The following AKAP3 variants were observed in gnomAD, a reference collection of about 807,000 sequenced individuals.
AKAP3 encodes the protein A-kinase anchor protein 3.
In AKAP3, 27 loss-of-function variants were observed where a neutral mutation model predicts 57.2. The ratio of observed to expected loss-of-function variants is 0.47; its 90% CI spans 0.35 to 0.65. AKAP3 has a LOEUF of 0.65. AKAP3 is among the 30% of genes least tolerant of loss of function. The pLI is 0.01. For synonymous variants in AKAP3, 334 were observed against 392.3 expected, an observed-to-expected ratio of 0.85 and a Z score of 1.76; for missense variants, 959 against 1,040.0, an observed-to-expected ratio of 0.92 and a Z score of 1.07.
At position 4,627,079 on chromosome 12, in the gene AKAP3, T is replaced by C. The variant is rs35067631; in HGVS notation, c.1823A>G (p.Lys608Arg). Reference sequence around the variant, plus strand: ...CTTGGGTTCAGGGCTCTGGTCACGCTTGAAAATGGTCTCACTAAGTAAGTT... The same window carrying C: ...CTTGGGTTCAGGGCTCTGGTCACGCCTGAAAATGGTCTCACTAAGTAAGTT... ...IRNLLSETIF[K>R]RDQSPEPKVP... is the part of the protein sequence containing the mutation. The change falls in exon 5 of 6, where the codon AAG (lysine) becomes AGG (arginine). Residue 608 changes from lysine (K) to arginine (R), a missense_variant. Coordinates refer to ENST00000228850, the MANE Select transcript of AKAP3 (RefSeq NM_001278309.2). 4.5e-5 allele frequency: 72 copies of C among 1,614,146 alleles called. No individual in the cohort carries two copies. The African/African-American group carries it at 9.5e-4, about 21-fold the overall frequency.
In AKAP3 at chr12:4,626,972, C is replaced by T; in HGVS notation, c.1930G>A (p.Asp644Asn). 2 of 1,614,176 alleles carry T rather than the reference C, an allele frequency of 1.2e-6. No homozygotes were observed. Among genetic ancestry groups the T allele is most frequent in the East Asian group, 4.5e-5 (2 of 44,880 alleles). ...ASSPPRLYED[D>N]ETPGALSGLT... ...CCAGAAAGGGCACCAGGGGTCTCAT[C>T]ATCCTCATATAGCCTGGGGGGAGAA... The change falls in exon 5 of 6, where the codon GAT becomes AAT. Residue 644 changes from aspartate (D) to asparagine (N), a missense_variant. Physicochemically the swap from Asp to Asn is conservative, Grantham distance 23. Transcript: ENST00000228850.
In AKAP3 at chr12:4,626,548, A is replaced by G. The variant is rs1281223510; in HGVS notation, c.2354T>C (p.Leu785Pro). Residue 785 changes from leucine to proline, a missense_variant, in exon 5 of 6, where the codon CTC (leucine) becomes CCC (proline). Physicochemically the swap from Leu to Pro is moderately conservative, Grantham distance 98. Coordinates refer to ENST00000228850, the MANE Select transcript of AKAP3 (RefSeq NM_001278309.2). ...AGCAAAATACAAAATAGGGACATTG[A>G]GCTCAGAGGCAGCTACCCATTGAAG... is the stretch of plus-strand genomic sequence containing the variant. ...AVLQWVAASELNVPILYFAGD... is the reference protein window; with the variant it reads ...AVLQWVAASEPNVPILYFAGD... 1 of 1,614,166 alleles carries G rather than the reference A, an allele frequency of 6.2e-7. No homozygotes were observed. Among genetic ancestry groups the G allele is most frequent in the Admixed American group, 1.7e-5 (1 of 60,030 alleles).
At chr12:4,642,983 C>A (rs183141176) in intron 2 of AKAP3, among the ~76,000 whole-genome samples, 1 of 152,172 alleles carries the variant, frequency 6.6e-6, no homozygotes, top group Non-Finnish European at 1.5e-5. Flanking sequence ...ATATTCAAGA[C>A]GCCTTGAAGC....
At chr12:4,629,975 T>C (rs1041577330) in intron 4 of AKAP3, among the ~76,000 whole-genome samples, 5 of 152,200 alleles carry the variant, frequency 3.3e-5, no homozygotes, top group Non-Finnish European at 7.3e-5. Context: ...CATATGAACA[T>C]GTTTATATGT....
chr12:4,627,840 A>C lies in AKAP3; in HGVS notation c.1062T>G (p.Phe354Leu), dbSNP rs754871103. The C allele has an allele frequency of 1.9e-6, 3 of 1,614,032 alleles. No homozygotes were observed. The Admixed American group carries it at 5.0e-5, about 27-fold the overall frequency. ...VTGTLMTDTQFVSAVKRTVFS... is the reference protein window; with the variant it reads ...VTGTLMTDTQLVSAVKRTVFS... ...AGACAGTTCTTTTCACAGCCGAGAC[A>C]AACTGTGTGTCAGTCATGAGGGTCC... Residue 354 changes from phenylalanine to leucine, a missense_variant, in exon 5 of 6, where the codon TTT (phenylalanine) becomes TTG (leucine). Phe to Leu is a conservative substitution (Grantham distance 22). Transcript: ENST00000228850.
At chr12:4,639,471 C>A (rs1298864425) in intron 3 of AKAP3, among the ~76,000 whole-genome samples, 1 of 152,056 alleles carries the variant, frequency 6.6e-6, no homozygotes, top group Non-Finnish European at 1.5e-5. Flanking sequence ...CACATGTGCA[C>A]AACGTGCAGG....
At chr12:4,624,402 T>C (rs1363377575) in intron 5 of AKAP3, among the ~76,000 whole-genome samples, 1 of 151,176 alleles carries the variant, frequency 6.6e-6, no homozygotes, top group Admixed American at 6.6e-5. Flanking sequence ...ATCCAAACAA[T>C]TTTTTTCTCC....
In AKAP3 at chr12:4,624,809, G is replaced by GGTGTGTGTGTGTGT. The variant is rs1555126704; in HGVS notation, c.2406+1673_2406+1686dup. 2.4e-3 allele frequency among the ~76,000 whole-genome samples: 210 copies of GGTGTGTGTGTGTGT among 87,870 alleles called. 1 individual carries two copies. The highest frequency in any genetic ancestry group is 6.2e-3 in the East Asian group (22 of 3,576). 57.6% of individuals were successfully genotyped at this position (87,870 alleles called of 152,430 possible). On this transcript the variant is annotated intron_variant, in intron 5 of 5. Transcript: ENST00000228850. ...TGGCTTTATCTTTAGAGTAGACAAA[G>GGTGTGTGTGTGTGT]GTGTGTGTGTGTGTGTATATAAAAG...
chr12:4,638,631 G>C (rs1945595756), intron 3 of AKAP3, among the ~76,000 whole-genome samples: 1 of 152,140 alleles, frequency 6.6e-6, no homozygotes, highest in Non-Finnish European at 1.5e-5. Context: ...TAGCTTTTAA[G>C]TAATTGTTTC....
At chr12:4,628,869 C>G in intron 4 of AKAP3, 64 bp from the exon 5 acceptor site, 1 of 1,498,550 alleles carries the variant, frequency 6.7e-7, no homozygotes, top group Non-Finnish European at 9.0e-7. Flanking sequence ...TTCAAGACAA[C>G]CTCAAAGTTC....
intron 2 of AKAP3, among the ~76,000 whole-genome samples, chr12:4,644,025 T>C (rs1281824528): frequency 6.6e-6 from 1 of 152,238 alleles, no homozygotes; most frequent in Admixed American, 6.5e-5. Flanking sequence ...ACTGCCTTCC[T>C]TTCTGTAAGT....
At chr12:4,646,910 G>C (rs1216893044) in intron 1 of AKAP3, among the ~76,000 whole-genome samples, 1 of 152,018 alleles carries the variant, frequency 6.6e-6, no homozygotes, top group Non-Finnish European at 1.5e-5. Flanking sequence ...AGTCTCCCGA[G>C]TAACTGGGAT....
Position 4,626,734 on chromosome 12 carries a change from G to C in AKAP3, c.2168C>G (p.Thr723Arg). The C allele has an allele frequency of 6.2e-7, 1 of 1,614,106 alleles. No individual in the cohort carries two copies. The highest frequency in any genetic ancestry group is 1.7e-5 in the Admixed American group (1 of 60,004). ...SLYECLPAKG[T>R]GSAEAVLQNA... ...CTGCAGGACAGCTTCTGCTGACCCT[G>C]TGCCCTTGGCTGGTAAGCACTCATA... Residue 723 changes from threonine to arginine, a missense_variant, in exon 5 of 6, where the codon ACA becomes AGA. Thr to Arg is a moderately conservative substitution (Grantham distance 71, BLOSUM62 -1). Coordinates refer to ENST00000228850, the MANE Select transcript of AKAP3 (RefSeq NM_001278309.2).
chr12:4,646,510 A>T (rs1945700461), intron 1 of AKAP3, among the ~76,000 whole-genome samples: 1 of 152,030 alleles, frequency 6.6e-6, no homozygotes, highest in South Asian at 2.1e-4. Flanking sequence ...GTCTCTACTA[A>T]AAATACAAAA....
intron 1 of AKAP3, among the ~76,000 whole-genome samples, chr12:4,647,359 G>C (rs969664401): frequency 1.9e-4 from 29 of 151,824 alleles, no homozygotes; most frequent in African/African-American, 6.0e-4. Flanking sequence ...ATGGGATCTA[G>C]TATTCTAGGT....
chr12:4,648,911 G>C lies in AKAP3; in HGVS notation c.-411C>G, dbSNP rs1169845943. 1 of 599,032 alleles carries C rather than the reference G, an allele frequency of 1.7e-6. No homozygotes were observed. The highest frequency in any genetic ancestry group is 1.9e-5 in the African/African-American group (1 of 53,752). The allele number at this position is 599,032 out of a possible 1,614,324, so 37.1% of individuals were successfully genotyped here. On this transcript the variant is annotated 5_prime_UTR_variant, in exon 1 of 6. Coordinates refer to ENST00000228850, the MANE Select transcript of AKAP3 (RefSeq NM_001278309.2). ...TTAGAGATTATAAATAGCCTATACA[G>C]CCTATTCCAGATCTGAGATTCCAAC...
intron 5 of AKAP3, among the ~76,000 whole-genome samples, chr12:4,616,185 GA>G (rs1261554201): frequency 6.6e-6 from 1 of 152,204 alleles, no homozygotes; most frequent in Non-Finnish European, 1.5e-5. Flanking sequence ...AACAGGGCAG[GA>G]TGGAAAATGT....
chr12:4,637,894 A>G (rs1160909344), intron 4 of AKAP3, among the ~76,000 whole-genome samples: 1 of 152,164 alleles, frequency 6.6e-6, no homozygotes, highest in Non-Finnish European at 1.5e-5. Flanking sequence ...TTCATTAGTT[A>G]TAGCATATTA....
chr12:4,636,504 T>C (rs1945567405), intron 4 of AKAP3, among the ~76,000 whole-genome samples: 1 of 152,244 alleles, frequency 6.6e-6, no homozygotes, highest in Admixed American at 6.5e-5. Context: ...TGATTTAACA[T>C]TGAAACTGAT....
Sources: gnomAD v4.1 joint callset for allele counts (sites outside exome capture counted in the v4.1 genomes callset) on GRCh38, gnomAD v4.1.1 for gene constraint, MANE v1.5 for transcripts, NCBI Gene and HGNC (gene_info 2026-07-23, HGNC 2026-07-21) for gene names.